Variants in NPAS3 observed in about 807,000 individuals in gnomAD.
NPAS3 encodes the protein neuronal PAS domain-containing protein 3.
NPAS3 carries 14 observed loss-of-function variants against 73.1 expected under a neutral mutation model. That is an observed-to-expected ratio of 0.19 (90% CI 0.13 to 0.30). The LOEUF (loss-of-function observed/expected upper bound fraction) is 0.30. NPAS3 is among the 10% of genes least tolerant of loss of function. NPAS3 has a pLI of 1.00. For missense variants in NPAS3, 1,096 were observed against 1,250.0 expected, an observed-to-expected ratio of 0.88 and a Z score of 1.86; for synonymous variants, 620 against 541.5, an observed-to-expected ratio of 1.14 and a Z score of -2.01.
At chr14:33,185,015 G>T (rs1245879518) in intron 2 of NPAS3, among the ~76,000 whole-genome samples, 1 of 152,118 alleles carries the variant, frequency 6.6e-6, no homozygotes, top group African/African-American at 2.4e-5. Flanking sequence ...AACTCTTTCA[G>T]TGAATGAATG....
intron 1 of NPAS3, among the ~76,000 whole-genome samples, chr14:32,994,503 A>G (rs1160604275): frequency 6.6e-6 from 1 of 152,140 alleles, no homozygotes; most frequent in African/African-American, 2.4e-5. Flanking sequence ...AAATGAATAA[A>G]AATGATTTTA....
At chr14:32,986,151 T>C (rs2038089513) in intron 1 of NPAS3, among the ~76,000 whole-genome samples, 1 of 152,196 alleles carries the variant, frequency 6.6e-6, no homozygotes, top group South Asian at 2.1e-4. Flanking sequence ...GCTGGGGCTC[T>C]AGCTTTAAGT....
chr14:33,478,859 G>A (rs1423878606), intron 4 of NPAS3, among the ~76,000 whole-genome samples: 1 of 152,096 alleles, frequency 6.6e-6, no homozygotes, highest in African/African-American at 2.4e-5. Context: ...CTTTTACCCT[G>A]AGCCTTAATC....
chr14:32,996,695 T>A (rs1041993607), intron 1 of NPAS3, among the ~76,000 whole-genome samples: 7 of 152,108 alleles, frequency 4.6e-5, no homozygotes, highest in African/African-American at 1.7e-4. Context: ...AAGTCAAGAA[T>A]TGAGGTTTGG....
intron 4 of NPAS3, among the ~76,000 whole-genome samples, chr14:33,525,774 T>TA (rs2053771380): frequency 6.6e-6 from 1 of 152,134 alleles, no homozygotes; most frequent in Non-Finnish European, 1.5e-5. Flanking sequence ...TATTGGCCAC[T>TA]AACACATAAA....
At chr14:33,074,460 A>C (rs1461141497) in intron 2 of NPAS3, among the ~76,000 whole-genome samples, 1 of 152,172 alleles carries the variant, frequency 6.6e-6, no homozygotes, top group African/African-American at 2.4e-5. Context: ...TCTGTCACCC[A>C]GGCTGGAGGG....
intron 1 of NPAS3, among the ~76,000 whole-genome samples, chr14:33,002,374 G>A (rs370533312): frequency 5.9e-5 from 9 of 152,146 alleles, no homozygotes; most frequent in East Asian, 3.9e-4. Context: ...GTTTTCATTT[G>A]ATTCAAGAGG....
At chr14:33,715,436 G>T (rs1486929289) in intron 6 of NPAS3, among the ~76,000 whole-genome samples, 1 of 152,082 alleles carries the variant, frequency 6.6e-6, no homozygotes, top group Non-Finnish European at 1.5e-5. Context: ...AATTAAATGA[G>T]CATTGGGCTG....
chr14:33,364,091 T>C lies in NPAS3; in HGVS notation c.386-3095T>C, dbSNP rs146154039. 1.6e-4 allele frequency among the ~76,000 whole-genome samples: 24 copies of C among 152,318 alleles called. No individual in the cohort carries two copies. The East Asian group carries it at 4.6e-3, about 29-fold the overall frequency. The stretch of plus-strand genomic sequence containing the variant: ...GTTCGGCAATAGTAAGTATACAGTG[T>C]GTCTGGGCTACCAGATGGTTTTAGA... On this transcript the variant is annotated intron_variant, in intron 3 of 11. Coordinates refer to ENST00000356141, the Ensembl canonical transcript of NPAS3.
chr14:33,450,020 T>C (rs2049716563), intron 4 of NPAS3, among the ~76,000 whole-genome samples: 1 of 152,138 alleles, frequency 6.6e-6, no homozygotes, highest in African/African-American at 2.4e-5. Flanking sequence ...CAGCGCTGAG[T>C]ACAATGAGAA....
At chr14:33,735,231 A>G in exon 7 of NPAS3, 1 of 1,613,370 alleles carries the variant, frequency 6.2e-7, no homozygotes, top group Non-Finnish European at 8.5e-7. Context: ...AACCAGCCCC[A>G]GTCTGCTAAC....
At chr14:33,698,441 CAA>C (rs1207479374) in intron 6 of NPAS3, among the ~76,000 whole-genome samples, 5 of 152,260 alleles carry the variant, frequency 3.3e-5, no homozygotes, top group Admixed American at 1.3e-4. Flanking sequence ...TAACTTCTTT[CAA>C]GAGAGAGATC....
chr14:33,472,545 G>A (rs1359584931), intron 4 of NPAS3, among the ~76,000 whole-genome samples: 1 of 143,382 alleles, frequency 7.0e-6, no homozygotes, highest in Non-Finnish European at 1.5e-5. Flanking sequence ...TTGAGAATAG[G>A]CTGGAAGTTG....
intron 2 of NPAS3, among the ~76,000 whole-genome samples, chr14:33,169,127 A>G (rs1472271302): frequency 2.0e-5 from 3 of 152,256 alleles, no homozygotes; most frequent in Non-Finnish European, 4.4e-5. Context: ...ACTGTTTTCA[A>G]GATGGCAAAA....
At chr14:33,013,205 T>C (rs2039274628) in intron 1 of NPAS3, among the ~76,000 whole-genome samples, 1 of 152,224 alleles carries the variant, frequency 6.6e-6, no homozygotes, top group Non-Finnish European at 1.5e-5. Flanking sequence ...CAAATGAGAA[T>C]GTTGGCTGTT....
intron 2 of NPAS3, among the ~76,000 whole-genome samples, chr14:33,086,743 T>C (rs977311610): frequency 6.6e-6 from 1 of 152,188 alleles, no homozygotes; most frequent in Non-Finnish European, 1.5e-5. Context: ...TATAACTTTC[T>C]CATCTCTTCT....
chr14:33,337,747 A>T (rs892956812), intron 3 of NPAS3, among the ~76,000 whole-genome samples: 4 of 152,094 alleles, frequency 2.6e-5, no homozygotes, highest in African/African-American at 9.6e-5. Context: ...TAAATCTTTA[A>T]AAATATTTAT....
intron 2 of NPAS3, among the ~76,000 whole-genome samples, chr14:33,169,704 G>A (rs116873590): frequency 6.6e-5 from 10 of 152,352 alleles, no homozygotes; most frequent in East Asian, 1.9e-4. Flanking sequence ...TTGTAAATAA[G>A]AAATTGGCGG....
chr14:33,678,970 T>C (rs2059852313), intron 6 of NPAS3, among the ~76,000 whole-genome samples: 1 of 152,196 alleles, frequency 6.6e-6, no homozygotes, highest in Non-Finnish European at 1.5e-5. Context: ...GGAGAATATA[T>C]ATCTCCTTCA....
Sources: allele counts gnomAD v4.1 joint callset (sites outside exome capture counted in the v4.1 genomes callset), GRCh38; gene constraint gnomAD v4.1.1; transcripts MANE v1.5; gene names NCBI Gene and HGNC (gene_info 2026-07-23, HGNC 2026-07-21).